The following ASXL1 variants were observed in gnomAD, a reference collection of about 807,000 sequenced individuals.
ASXL1 encodes the protein polycomb group protein ASXL1.
ASXL1 carries 65 observed loss-of-function variants against 89.1 expected under a neutral mutation model. That is an observed-to-expected ratio of 0.73 (90% CI 0.60 to 0.90). ASXL1 has a LOEUF of 0.90. Ranked by LOEUF, ASXL1 falls within the 40% of genes least tolerant of loss-of-function variation. The pLI is 0.00. For missense variants in ASXL1, 1,786 were observed against 1,942.9 expected, an observed-to-expected ratio of 0.92 and a Z score of 1.52; for synonymous variants, 739 against 746.9, an observed-to-expected ratio of 0.99 and a Z score of 0.17.
chr20:32,394,623 T>C (rs1274943856), intron 4 of ASXL1, among the ~76,000 whole-genome samples: 3 of 152,264 alleles, frequency 2.0e-5, no homozygotes, highest in African/African-American at 7.2e-5. Context: ...CTTCAGACTT[T>C]GTGCTATGTT....
At chr20:32,361,242 G>A (rs1184568488) in intron 1 of ASXL1, among the ~76,000 whole-genome samples, 1 of 152,178 alleles carries the variant, frequency 6.6e-6, no homozygotes, top group Non-Finnish European at 1.5e-5. Context: ...AGCTACTCAG[G>A]AGGCTGAGGA....
chr20:32,363,576 A>G (rs959861779), intron 1 of ASXL1, among the ~76,000 whole-genome samples: 2 of 152,228 alleles, frequency 1.3e-5, no homozygotes, highest in Admixed American at 6.5e-5. Context: ...TTGTCTAGTC[A>G]TAGTTTCTCC....
At chr20:32,366,900 C>A (rs2048213608) in intron 2 of ASXL1, among the ~76,000 whole-genome samples, 1 of 151,970 alleles carries the variant, frequency 6.6e-6, no homozygotes, top group Admixed American at 6.6e-5. Context: ...GACTTTTTTC[C>A]CCTTACTAAT....
chr20:32,418,964 C>T (rs895788473), intron 4 of ASXL1, among the ~76,000 whole-genome samples: 1 of 151,470 alleles, frequency 6.6e-6, no homozygotes, highest in African/African-American at 2.4e-5. Context: ...TTGCGAGTAG[C>T]TAGGATTACA....
intron 4 of ASXL1, among the ~76,000 whole-genome samples, chr20:32,379,643 T>C (rs2048453060): frequency 6.7e-6 from 1 of 148,846 alleles, no homozygotes; most frequent in Non-Finnish European, 1.5e-5. Flanking sequence ...CTGGCCAACC[T>C]GGTGAAACCC....
chr20:32,419,350 G>C (rs1379702655), intron 4 of ASXL1, among the ~76,000 whole-genome samples: 1 of 151,858 alleles, frequency 6.6e-6, no homozygotes. Context: ...CTACAGGTGC[G>C]CGTCACCATG....
In ASXL1 at chr20:32,435,166, G is replaced by A; in HGVS notation, c.2454G>A (p.Val818=). ...PADNGPIPSL[V]GDDTLEKGTG... is the part of the protein sequence containing the mutation. ...ACAATGGTCCCATTCCGTCTCTAGT[G>A]GGAGATGATACATTAGAGAAAGGAA... The change falls in exon 13 of 13, where the codon GTG becomes GTA. Residue 818 remains valine (V), a synonymous_variant. Transcript: ENST00000375687. 1 of 1,613,878 alleles carries A rather than the reference G, an allele frequency of 6.2e-7. No individual in the cohort carries two copies.
intron 4 of ASXL1, among the ~76,000 whole-genome samples, chr20:32,372,828 C>T (rs1253210229): frequency 6.6e-6 from 1 of 151,680 alleles, no homozygotes; most frequent in Non-Finnish European, 1.5e-5. Context: ...CTCTTGACCT[C>T]GTGATCCGTC....
chr20:32,418,216 A>AC (rs1179499988), intron 4 of ASXL1, among the ~76,000 whole-genome samples: 1 of 151,666 alleles, frequency 6.6e-6, no homozygotes, highest in African/African-American at 2.4e-5. Context: ...ATAAATAAAT[A>AC]AATAAATTAG....
chr20:32,415,201 G>A (rs1467401515), intron 4 of ASXL1, among the ~76,000 whole-genome samples: 2 of 151,908 alleles, frequency 1.3e-5, no homozygotes, highest in African/African-American at 4.8e-5. Flanking sequence ...TATAGATGGG[G>A]TTTCGCCATG....
In ASXL1 at chr20:32,439,101, A is replaced by C. The variant is rs965079086; in HGVS notation, c.*1763A>C. 13 of 233,464 alleles carry C rather than the reference A, an allele frequency of 5.6e-5. No individual in the cohort carries two copies. Among genetic ancestry groups the C allele is most frequent in the Non-Finnish European group, 9.3e-5 (11 of 117,978 alleles). The allele number at this position is 233,464 out of a possible 1,614,324, so 14.5% of individuals were successfully genotyped here. ...GGAATGATGTGGTGATTTAGAATGC[A>C]GTATTGGCCAAGTCCAAGTTGTCAA... On this transcript the variant is annotated 3_prime_UTR_variant, in exon 13 of 13. Coordinates refer to ENST00000375687, the MANE Select transcript of ASXL1 (RefSeq NM_015338.6).
Position 32,429,601 on chromosome 20 carries a change from C to A in ASXL1, c.565+170C>A. 1 of 778,476 alleles carries A rather than the reference C, an allele frequency of 1.3e-6. No homozygotes were observed. Among genetic ancestry groups the A allele is most frequent in the Non-Finnish European group, 2.1e-6 (1 of 467,268 alleles). 48.2% of individuals were successfully genotyped at this position (778,476 alleles called of 1,614,324 possible). Reference sequence around the variant, plus strand: ...CCATAGGTTCTAGTGCTGGGCTCTGCTGTGTGCCTTCCTCTTTGTCTCCCA... The same window carrying A: ...CCATAGGTTCTAGTGCTGGGCTCTGATGTGTGCCTTCCTCTTTGTCTCCCA... On this transcript the variant is annotated intron_variant, in intron 7 of 12. Transcript: ENST00000375687. This position sits in a 1 kb window ranked among gnomAD's most constrained non-coding sequence, Gnocchi z 4.9.
chr20:32,428,431 G>GAGGT lies in ASXL1; in HGVS notation c.471+12_471+15dup, dbSNP rs977574055. 7 of 1,601,206 alleles carry GAGGT rather than the reference G, an allele frequency of 4.4e-6. No homozygotes were observed. The Admixed American group carries it at 6.7e-5, about 15-fold the overall frequency. On this transcript the variant is annotated intron_variant, in intron 6 of 12. Transcript: ENST00000375687. ...ACAGAGCTTCCTCACAGGTAAGGAAGAGGTAGAGCCTAGCCTGGGAGGATG... is the reference window on the plus strand; with the variant it reads ...ACAGAGCTTCCTCACAGGTAAGGAAGAGGTAGGTAGAGCCTAGCCTGGGAGGATG...
intron 8 of ASXL1, chr20:32,430,282 G>A: frequency 1.7e-6 from 1 of 596,674 alleles, no homozygotes; most frequent in East Asian, 3.0e-5. Context: ...TTTCTCGTAT[G>A]TCCCTGTAGG....
intron 4 of ASXL1, among the ~76,000 whole-genome samples, chr20:32,392,099 A>G (rs1555904899): frequency 6.6e-6 from 1 of 151,562 alleles, no homozygotes; most frequent in Non-Finnish European, 1.5e-5. Flanking sequence ...GGTTAAGTCC[A>G]CCATCTAGCT....
At chr20:32,413,034 A>G (rs1351369092) in intron 4 of ASXL1, among the ~76,000 whole-genome samples, 1 of 152,242 alleles carries the variant, frequency 6.6e-6, no homozygotes, top group Non-Finnish European at 1.5e-5. Flanking sequence ...GAGTGGTTAT[A>G]CTTTGATACA....
intron 1 of ASXL1, chr20:32,359,750 G>A (rs558192537): frequency 1.5e-5 from 11 of 718,138 alleles, no homozygotes; most frequent in Middle Eastern, 4.6e-4. Flanking sequence ...TCAACCGATG[G>A]GGGTTGTGAA....
intron 4 of ASXL1, among the ~76,000 whole-genome samples, chr20:32,409,899 C>T (rs184251520): frequency 6.6e-6 from 1 of 152,168 alleles, no homozygotes; most frequent in Non-Finnish European, 1.5e-5. Flanking sequence ...AAAAAGTTCT[C>T]ACAAACATTG....
In ASXL1 at chr20:32,435,156, C is replaced by T. The variant is rs6058694; in HGVS notation, c.2444C>T (p.Pro815Leu). The T allele has an allele frequency of 9.9e-6, 16 of 1,613,752 alleles. No individual in the cohort carries two copies. Among genetic ancestry groups the T allele is most frequent in the South Asian group, 4.4e-5 (4 of 91,076 alleles). Residue 815 changes from proline to leucine, a missense_variant, in exon 13 of 13, where the codon CCG (proline) becomes CTG (leucine). Physicochemically the swap from Pro to Leu is moderately conservative, Grantham distance 98. Coordinates refer to ENST00000375687, the MANE Select transcript of ASXL1 (RefSeq NM_015338.6). Reference protein sequence around the residue: ...PTVPADNGPIPSLVGDDTLEK... With the variant: ...PTVPADNGPILSLVGDDTLEK... ...GTTCCTGCAGACAATGGTCCCATTCCGTCTCTAGTGGGAGATGATACATTA... is the reference window on the plus strand; with the variant it reads ...GTTCCTGCAGACAATGGTCCCATTCTGTCTCTAGTGGGAGATGATACATTA...
Sources: gnomAD v4.1 joint callset for allele counts (sites outside exome capture counted in the v4.1 genomes callset) on GRCh38, gnomAD v4.1.1 for gene constraint, Gnocchi (gnomAD v3.1) non-coding constraint, MANE v1.5 for transcripts, NCBI Gene and HGNC (gene_info 2026-07-23, HGNC 2026-07-21) for gene names.